Variants in CD2AP observed in about 807,000 individuals in gnomAD.
CD2AP encodes the protein CD2 associated protein.
A neutral mutation model predicts 85.1 loss-of-function variants in CD2AP; 46 were observed. The observed-to-expected ratio is 0.54, with a 90% CI of 0.43 to 0.69. The LOEUF is 0.69. Ranked by LOEUF, CD2AP falls within the 30% of genes least tolerant of loss-of-function variation. The pLI is 0.00. For synonymous variants in CD2AP, 255 were observed against 252.9 expected, an observed-to-expected ratio of 1.01 and a Z score of -0.08; for missense variants, 769 against 729.5, an observed-to-expected ratio of 1.05 and a Z score of -0.62.
chr6:47,572,187 A>G (rs558533134), intron 5 of CD2AP, among the ~76,000 whole-genome samples: 1 of 152,218 alleles, frequency 6.6e-6, no homozygotes, highest in Non-Finnish European at 1.5e-5. Context: ...AAAATTTAAC[A>G]TTCAACAACA....
At chr6:47,610,150 C>G (rs1003845131) in intron 16 of CD2AP, among the ~76,000 whole-genome samples, 4 of 152,098 alleles carry the variant, frequency 2.6e-5, no homozygotes, top group African/African-American at 9.7e-5. Flanking sequence ...GGTGAGCTCC[C>G]CCTCTGGCTT....
At chr6:47,498,254 T>C (rs1765916679) in intron 1 of CD2AP, among the ~76,000 whole-genome samples, 1 of 152,128 alleles carries the variant, frequency 6.6e-6, no homozygotes, top group Admixed American at 6.5e-5. Context: ...CCTTCAATAC[T>C]TCAGTGACTT....
At chr6:47,542,922 A>G (rs1159066768) in intron 3 of CD2AP, among the ~76,000 whole-genome samples, 2 of 152,054 alleles carry the variant, frequency 1.3e-5, no homozygotes, top group Admixed American at 1.3e-4. Flanking sequence ...AGGTCCAGGC[A>G]GGTGGATCAC....
At chr6:47,596,253 T>C (rs1049458289) in intron 12 of CD2AP, among the ~76,000 whole-genome samples, 15 of 152,158 alleles carry the variant, frequency 9.9e-5, no homozygotes, top group African/African-American at 3.1e-4. Flanking sequence ...TAACCTCACA[T>C]AGTTAACATT....
rs139814970 is a variant in CD2AP at position 47,589,565 on chromosome 6, C to CACACATAT, written c.1109-6295_1109-6294insCACATATA. ...ACACATATATATACACACACACACA[C>CACACATAT]ATATATATATATATATTTGTCAGAG... On this transcript the variant is annotated intron_variant, in intron 11 of 17. Transcript: ENST00000359314. Among the ~76,000 whole-genome samples the CACACATAT allele has an allele frequency of 9.9e-5, 12 of 120,942 alleles. 1 individual carries two copies. The highest frequency in any genetic ancestry group is 2.7e-4 in the African/African-American group (9 of 33,568). The allele number at this position is 120,942 out of a possible 152,430, so 79.3% of individuals were successfully genotyped here. A position where few individuals can be genotyped will look rare whatever the true frequency, so the allele number is the denominator to read the frequency against.
At chr6:47,596,470 A>G (rs1477717830) in intron 12 of CD2AP, among the ~76,000 whole-genome samples, 3 of 152,034 alleles carry the variant, frequency 2.0e-5, no homozygotes, top group Non-Finnish European at 2.9e-5. Flanking sequence ...CTCTATTTCT[A>G]TGGGATCAAC....
At chr6:47,568,149 A>G (rs12195245) in intron 5 of CD2AP, among the ~76,000 whole-genome samples, 5 of 152,154 alleles carry the variant, frequency 3.3e-5, no homozygotes, top group Non-Finnish European at 7.3e-5. Flanking sequence ...TAAGATGGAG[A>G]TGTCATTTGC....
chr6:47,502,574 A>G (rs1288189051), intron 1 of CD2AP, among the ~76,000 whole-genome samples: 2 of 150,320 alleles, frequency 1.3e-5, no homozygotes, highest in East Asian at 2.0e-4. Context: ...GCTCACTGCA[A>G]CCTCTGCCTC....
At chr6:47,588,297 G>A (rs6936632) in intron 11 of CD2AP, among the ~76,000 whole-genome samples, 11,339 of 152,054 alleles carry the variant, frequency 0.075, 563 homozygotes, top group Non-Finnish European at 0.11. Context: ...CCTGCACTTG[G>A]TTAAACTCCA....
Position 47,576,982 on chromosome 6 carries a change from C to G in CD2AP, c.809-27C>G, listed in dbSNP as rs748751953. On this transcript the variant is annotated intron_variant, in intron 7 of 17. Transcript: ENST00000359314. The stretch of plus-strand genomic sequence containing the variant: ...TGTTGAATGAATCCATTTGTGTGAG[C>G]CACATTATTTACATTCTTTATTTCA... The G allele has an allele frequency of 3.5e-6, 4 of 1,139,264 alleles. No homozygotes were observed. In the African/African-American group the frequency reaches 4.6e-5, roughly 13 times the overall value. The allele number at this position is 1,139,264 out of a possible 1,614,324, so 70.6% of individuals were successfully genotyped here. A position where few individuals can be genotyped will look rare whatever the true frequency, so the allele number is the denominator to read the frequency against.
chr6:47,545,538 AC>A (rs1376406279), intron 4 of CD2AP, among the ~76,000 whole-genome samples: 1 of 152,074 alleles, frequency 6.6e-6, no homozygotes, highest in African/African-American at 2.4e-5. Context: ...CCAGCAGGAG[AC>A]CAACCAGCAC....
intron 3 of CD2AP, among the ~76,000 whole-genome samples, chr6:47,539,388 G>A (rs1279278145): frequency 6.6e-6 from 1 of 152,176 alleles, no homozygotes; most frequent in Admixed American, 6.5e-5. Context: ...TGGGAGAATA[G>A]CATTCAAGGA....
chr6:47,516,204 G>C (rs575595231), intron 2 of CD2AP, among the ~76,000 whole-genome samples: 8 of 152,318 alleles, frequency 5.3e-5, no homozygotes, highest in Admixed American at 2.0e-4. Flanking sequence ...TTCATGCAAA[G>C]TTTGGTCCAG....
chr6:47,506,880 C>T (rs1326261018), intron 2 of CD2AP, among the ~76,000 whole-genome samples: 5 of 151,884 alleles, frequency 3.3e-5, no homozygotes. Flanking sequence ...TAAGATGAGA[C>T]AACAATGAAG....
Position 47,478,006 on chromosome 6 carries a change from G to C in CD2AP, c.-239G>C. Reference sequence around the variant, plus strand: ...GGGCCCTCCCGCCGCCGTGGCTCCTGGGGAGGCCAGGGGTGAGGAGCTGTC... The same window carrying C: ...GGGCCCTCCCGCCGCCGTGGCTCCTCGGGAGGCCAGGGGTGAGGAGCTGTC... On this transcript the variant is annotated 5_prime_UTR_variant, in exon 1 of 18. Transcript: ENST00000359314. 1 of 587,514 alleles carries C rather than the reference G, an allele frequency of 1.7e-6. No individual in the cohort carries two copies. The highest frequency in any genetic ancestry group is 3.0e-6 in the Non-Finnish European group (1 of 332,420). The allele number at this position is 587,514 out of a possible 1,614,324, so 36.4% of individuals were successfully genotyped here.
chr6:47,584,267 T>G (rs535691174), intron 11 of CD2AP, among the ~76,000 whole-genome samples: 17 of 152,314 alleles, frequency 1.1e-4, no homozygotes, highest in African/African-American at 4.1e-4. Context: ...GGCTTTGGTG[T>G]TGTATCTAAA....
At chr6:47,593,025 G>C (rs1768844807) in intron 11 of CD2AP, among the ~76,000 whole-genome samples, 1 of 152,000 alleles carries the variant, frequency 6.6e-6, no homozygotes, top group East Asian at 1.9e-4. Context: ...CAGTCTTGTG[G>C]GTCTGAGCCT....
chr6:47,534,453 T>A (rs1387502269), intron 3 of CD2AP, among the ~76,000 whole-genome samples: 1 of 152,192 alleles, frequency 6.6e-6, no homozygotes, highest in Admixed American at 6.5e-5. Flanking sequence ...ACTCCTGTAA[T>A]CCCAGCACTT....
In CD2AP at chr6:47,579,481, G is replaced by T; in HGVS notation, c.1000G>T (p.Asp334Tyr). 6.3e-7 allele frequency: 1 copy of T among 1,579,720 alleles called. No homozygotes were observed. Among genetic ancestry groups the T allele is most frequent in the East Asian group, 2.2e-5 (1 of 44,692 alleles). Residue 334 changes from aspartate (D) to tyrosine (Y), a missense_variant, in exon 9 of 18, where the codon GAC becomes TAC. Transcript: ENST00000359314. ...FAVQINELDK[D>Y]FPKPKKPPPP... The stretch of plus-strand genomic sequence containing the variant: ...TGTCCAGATAAATGAACTTGATAAA[G>T]ACTTTCCAGTAAGCTTTTGTTTTTC...
Sources: allele counts gnomAD v4.1 joint callset (sites outside exome capture counted in the v4.1 genomes callset), GRCh38; gene constraint gnomAD v4.1.1; transcripts MANE v1.5; gene names NCBI Gene and HGNC (gene_info 2026-07-23, HGNC 2026-07-21).